Variants in SPPL2B observed in about 807,000 individuals in gnomAD.
SPPL2B encodes signal peptide peptidase-like 2B.
SPPL2B carries 39 observed loss-of-function variants against 59.7 expected under a neutral mutation model. That is an observed-to-expected ratio of 0.65 (90% CI 0.51 to 0.85). The LOEUF is 0.85. Ranked by LOEUF, SPPL2B falls within the 40% of genes least tolerant of loss-of-function variation. The pLI is 0.00. For missense variants in SPPL2B, 865 were observed against 849.0 expected (o/e 1.02, Z -0.23); for synonymous variants, 419 against 370.8 (o/e 1.13, Z -1.49).
At chr19:2,351,115 C>T (rs1429056142) in intron 13 of SPPL2B, among the ~76,000 whole-genome samples, 1 of 152,206 alleles carries the variant, frequency 6.6e-6, no homozygotes. Context: ...CAGCCCCCTC[C>T]GCTATCACGT....
intron 12 of SPPL2B, among the ~76,000 whole-genome samples, chr19:2,345,036 C>G (rs1969287662): frequency 6.6e-6 from 1 of 152,112 alleles, no homozygotes; most frequent in Non-Finnish European, 1.5e-5. Context: ...GTGTGTCTGC[C>G]TGGACTTTGT....
chr19:2,348,749 C>T (rs1969666648), intron 13 of SPPL2B, among the ~76,000 whole-genome samples: 1 of 145,658 alleles, frequency 6.9e-6, no homozygotes, highest in Non-Finnish European at 1.6e-5. Context: ...TCCGTTCTCT[C>T]TCTCCACACA....
At chr19:2,331,977 T>C (rs1302527192) in intron 1 of SPPL2B, among the ~76,000 whole-genome samples, 1 of 151,836 alleles carries the variant, frequency 6.6e-6, no homozygotes, top group Non-Finnish European at 1.5e-5. Flanking sequence ...GGAGGAGGGG[T>C]TCTGGGGGGC....
At position 2,344,757 on chromosome 19, in the gene SPPL2B, T is replaced by TA. The variant is rs1969272826; in HGVS notation, c.1276+108dup. The TA allele has an allele frequency of 9.2e-6, 7 of 764,798 alleles. No individual in the cohort carries two copies. The Admixed American group carries it at 1.2e-4, about 13-fold the overall frequency. The allele number at this position is 764,798 out of a possible 1,614,324, so 47.4% of individuals were successfully genotyped here. ...TGGCCCGCACACCGTCGGCTGGAGA[T>TA]AAAGCCCTGAGGGTCAGAGTCGGGC... On this transcript the variant is annotated intron_variant, in intron 12 of 14. Transcript: ENST00000613503.
chr19:2,350,729 A>G (rs1312736840), intron 13 of SPPL2B, among the ~76,000 whole-genome samples: 1 of 152,270 alleles, frequency 6.6e-6, no homozygotes, highest in African/African-American at 2.4e-5. Flanking sequence ...TTGCGTTTGT[A>G]GGAACCTATG....
chr19:2,350,312 A>T (rs1401610586), intron 13 of SPPL2B, among the ~76,000 whole-genome samples: 3 of 67,392 alleles, frequency 4.5e-5, no homozygotes, highest in Admixed American at 1.8e-4. Flanking sequence ...CATTCGCTTG[A>T]CTCCGTTCTC....
At position 2,351,556 on chromosome 19, in the gene SPPL2B, C is replaced by T. The variant is rs373276868; in HGVS notation, c.1477C>T (p.Arg493Trp). 9 of 1,611,300 alleles carry T rather than the reference C, an allele frequency of 5.6e-6. No homozygotes were observed. The highest frequency in any genetic ancestry group is 2.2e-5 in the South Asian group (2 of 91,030). ...VTSCAVALWR[R>W]ELGVFWTGSG... ...GAGCTGCGCTGTGGCGCTCTGGCGC[C>T]GGGAGCTGGGCGTGTTCTGGACGGG... The change falls in exon 14 of 15, where the codon CGG becomes TGG. Residue 493 changes from arginine (R) to tryptophan (W), a missense_variant. By Grantham distance (101) the Arg-to-Trp change is moderately radical. Coordinates refer to ENST00000613503, the MANE Select transcript of SPPL2B (RefSeq NM_152988.3).
chr19:2,337,962 T>C (rs1023502967), intron 3 of SPPL2B: 18 of 241,036 alleles, frequency 7.5e-5, no homozygotes, highest in African/African-American at 3.6e-4. Flanking sequence ...GAGGAGCAGG[T>C]GGCCTGGCCC....
Position 2,354,190 on chromosome 19 carries a change from A to G in SPPL2B, c.*981A>G, listed in dbSNP as rs1463575183. 6.6e-6 allele frequency: 1 copy of G among 151,956 alleles called. No homozygotes were observed. The highest frequency in any genetic ancestry group is 1.5e-5 in the Non-Finnish European group (1 of 68,030). The allele number at this position is 151,956 out of a possible 1,614,324, so 9.4% of individuals were successfully genotyped here. On this transcript the variant is annotated 3_prime_UTR_variant, in exon 15 of 15. Transcript: ENST00000613503. ...AGCGGCATTGGTGCCTGGGTTCTTA[A>G]CCCTCTGGACCCAGCAGCTAGGAGC...
At chr19:2,337,676 G>C in intron 3 of SPPL2B, 51 bp downstream of exon 3, 2 of 1,477,266 alleles carry the variant, frequency 1.4e-6, no homozygotes, top group South Asian at 2.7e-5. Flanking sequence ...GCAGGAGGGG[G>C]GTGCAGGAGG....
In SPPL2B at chr19:2,340,956, CTGGCGCTCTTCTGCG is replaced by C. The variant is rs748910409; in HGVS notation, c.903_917del (p.Leu302_Ala306del). 6.2e-7 allele frequency: 1 copy of C among 1,604,354 alleles called. No individual in the cohort carries two copies. Among genetic ancestry groups the C allele is most frequent in the African/African-American group, 1.3e-5 (1 of 75,030 alleles). ...GCGCCCGCAGGCCCGTATGCTGCTC[CTGGCGCTCTTCTGCG>C]TGGCCGTCAGCGTGGTGTGGGGCGT... is the stretch of plus-strand genomic sequence containing the variant. On this transcript the variant is annotated inframe_deletion, in exon 8 of 15. Coordinates refer to ENST00000613503, the MANE Select transcript of SPPL2B (RefSeq NM_152988.3).
intron 13 of SPPL2B, among the ~76,000 whole-genome samples, chr19:2,348,776 T>G (rs2145198749): frequency 7.7e-6 from 1 of 130,588 alleles, no homozygotes; most frequent in Non-Finnish European, 1.6e-5. Flanking sequence ...CGCGCTCTCA[T>G]TCGCTTGATT....
intron 1 of SPPL2B, among the ~76,000 whole-genome samples, chr19:2,331,440 G>T (rs974957763): frequency 6.6e-6 from 1 of 152,168 alleles, no homozygotes. Context: ...CGGTGGGCCT[G>T]TCTAGAACTC....
chr19:2,335,024 C>T (rs1412814810), intron 2 of SPPL2B, among the ~76,000 whole-genome samples: 2 of 152,106 alleles, frequency 1.3e-5, no homozygotes, highest in East Asian at 3.8e-4. Flanking sequence ...ACAGAGGGGT[C>T]CTCAGAGGAG....
intron 6 of SPPL2B, 22 bp from the exon 7 acceptor site, chr19:2,340,054 C>A (rs779762660): frequency 6.3e-7 from 1 of 1,579,270 alleles, no homozygotes; most frequent in Admixed American, 1.8e-5. Flanking sequence ...TGGCCCCCGG[C>A]CTCACGGCCC....
At position 2,341,628 on chromosome 19, in the gene SPPL2B, C is replaced by T. The variant is rs1290961509; in HGVS notation, c.956+614C>T. The T allele has an allele frequency of 1.3e-5, 6 of 455,866 alleles. No homozygotes were observed. The Admixed American group carries it at 1.4e-4, about 11-fold the overall frequency. 28.2% of individuals were successfully genotyped at this position (455,866 alleles called of 1,614,324 possible). On this transcript the variant is annotated intron_variant, in intron 8 of 14. Coordinates refer to ENST00000613503, the MANE Select transcript of SPPL2B (RefSeq NM_152988.3). ...TCGCTGATACCATCTGGCACTTCCT[C>T]CCAGCCTTCCTGAGGCAGCCAAGTA...
chr19:2,348,481 C>G (rs1969627215), intron 13 of SPPL2B, among the ~76,000 whole-genome samples: 1 of 149,208 alleles, frequency 6.7e-6, no homozygotes, highest in Non-Finnish European at 1.5e-5. Flanking sequence ...TCCGTTCTCT[C>G]TCCACACACA....
intron 1 of SPPL2B, among the ~76,000 whole-genome samples, chr19:2,333,117 T>G (rs1599195703): frequency 1.5e-5 from 1 of 67,052 alleles, no homozygotes; most frequent in East Asian, 3.4e-4. Context: ...GGATGGCAGG[T>G]GCAGGCGGCT....
rs1171896923 is a variant in SPPL2B, at chr19:2,340,208, CTG to C, written c.839+39_839+40del. On this transcript the variant is annotated intron_variant, in intron 7 of 14. Transcript: ENST00000613503. Reference sequence around the variant, plus strand: ...CCTGCTGGCCCCGACGTGCCTGACTCTGTGCGGTGATGGCCACGGCCCCTTTG... The same window carrying C: ...CCTGCTGGCCCCGACGTGCCTGACTCTGCGGTGATGGCCACGGCCCCTTTG... 82 of 1,482,726 alleles carry C rather than the reference CTG, an allele frequency of 5.5e-5. 1 individual carries two copies. Among genetic ancestry groups the C allele is most frequent in the Non-Finnish European group, 6.9e-5 (77 of 1,110,640 alleles). The allele number at this position is 1,482,726 out of a possible 1,614,324, so 91.8% of individuals were successfully genotyped here. A position where few individuals can be genotyped will look rare whatever the true frequency, so the allele number is the denominator to read the frequency against.
Sources: allele counts gnomAD v4.1 joint callset (sites outside exome capture counted in the v4.1 genomes callset), GRCh38; gene constraint gnomAD v4.1.1; transcripts MANE v1.5; gene names NCBI Gene and HGNC (gene_info 2026-07-23, HGNC 2026-07-21).